HFM1: variants seen among roughly 807,000 people sequenced by gnomAD.
HFM1 encodes the protein probable ATP-dependent DNA helicase HFM1.
HFM1 carries 169 observed loss-of-function variants against 192.1 expected under a neutral mutation model. That is an observed-to-expected ratio of 0.88 (90% CI 0.78 to 1.00). The LOEUF (loss-of-function observed/expected upper bound fraction) is 1.00, where lower values mean the gene tolerates loss of function less well. Among genes scored for constraint, HFM1 ranks in the 50% least tolerant of loss-of-function variants. The probability of loss-of-function intolerance (pLI) is 0.00; values close to 1 mark genes in which losing one functional copy is unlikely to be tolerated. For synonymous variants in HFM1, 525 were observed against 537.8 expected (o/e 0.98, Z 0.33); for missense variants, 1,661 against 1,668.0 (o/e 1.00, Z 0.07).
Position 91,328,562 on chromosome 1 carries a change from C to T in HFM1, c.2336-3796G>A, listed in dbSNP as rs1376862979. ...CTGCAGAACGAGGAGGGTGAGACCA[C>T]CAGCCACCTGATAGGCATGTTCTAC... On this transcript the variant is annotated intron_variant, in intron 20 of 38. Transcript: ENST00000370425. 8 of 1,611,208 alleles carry T rather than the reference C, an allele frequency of 5.0e-6. No homozygotes were observed. The Admixed American group carries it at 5.0e-5, about 10-fold the overall frequency.
At chr1:91,299,997 G>C (rs1231689229) in intron 30 of HFM1, among the ~76,000 whole-genome samples, 2 of 152,168 alleles carry the variant, frequency 1.3e-5, no homozygotes, top group Non-Finnish European at 2.9e-5. Context: ...GAATCCAGGA[G>C]CTGGTTTTTT....
chr1:91,280,020 A>C (rs1667317631), intron 30 of HFM1, among the ~76,000 whole-genome samples: 1 of 152,232 alleles, frequency 6.6e-6, no homozygotes, highest in Admixed American at 6.5e-5. Context: ...TTAAGTATGT[A>C]AAAACAATTG....
intron 2 of HFM1, among the ~76,000 whole-genome samples, chr1:91,398,972 T>C (rs1388256580): frequency 6.6e-6 from 1 of 152,160 alleles, no homozygotes; most frequent in East Asian, 1.9e-4. Context: ...GGATTACAGG[T>C]GTGAGCCACC....
chr1:91,378,396 T>A lies in HFM1; in HGVS notation c.1236+7A>T, dbSNP rs752802619. ...TGTTTATCTCTGAAAGCGAATGCAT[T>A]CATTACCTCATCAATGAGAAACAGT... is the stretch of plus-strand genomic sequence containing the variant. On this transcript the variant is annotated splice_region_variant and intron_variant, in intron 10 of 38. Transcript: ENST00000370425. 1 of 1,583,154 alleles carries A rather than the reference T, an allele frequency of 6.3e-7. No individual in the cohort carries two copies. The highest frequency in any genetic ancestry group is 8.7e-7 in the Non-Finnish European group (1 of 1,154,512).
At position 91,394,083 on chromosome 1, in the gene HFM1, T is replaced by C. The variant is rs1358725879; in HGVS notation, c.494+10A>G. 1.4e-6 allele frequency: 2 copies of C among 1,382,906 alleles called. No individual in the cohort carries two copies. The highest frequency in any genetic ancestry group is 2.9e-5 in the African/African-American group (2 of 69,132). The allele number at this position is 1,382,906 out of a possible 1,614,324, so 85.7% of individuals were successfully genotyped here. A position where few individuals can be genotyped will look rare whatever the true frequency, so the allele number is the denominator to read the frequency against. On this transcript the variant is annotated intron_variant, in intron 4 of 38. Transcript: ENST00000370425. The stretch of plus-strand genomic sequence containing the variant: ...CACAGAATATTATTTAGTTTAATTA[T>C]AATAATTACCTTTTCCGGAATACTG...
At chr1:91,308,491 T>C (rs939838379) in intron 30 of HFM1, among the ~76,000 whole-genome samples, 1 of 152,244 alleles carries the variant, frequency 6.6e-6, no homozygotes, top group Non-Finnish European at 1.5e-5. Flanking sequence ...CATTTACCTA[T>C]TTTTTCTATA....
At position 91,379,088 on chromosome 1, in the gene HFM1, T is replaced by C. The variant is rs1034067557; in HGVS notation, c.1133A>G (p.His378Arg). 1.3e-6 allele frequency: 2 copies of C among 1,588,554 alleles called. No homozygotes were observed. Among genetic ancestry groups the C allele is most frequent in the Admixed American group, 1.8e-5 (1 of 56,080 alleles). ...TVMDDLFEIQHAHIIMTTPEK... is the reference protein window; with the variant it reads ...TVMDDLFEIQRAHIIMTTPEK... ...TGGAGTTGTCATAATAATATGGGCA[T>C]GCTGAATCTCAAATAGATCATCCAT... The change falls in exon 9 of 39, where the codon CAT becomes CGT. Residue 378 changes from histidine to arginine, a missense_variant. By Grantham distance (29) the His-to-Arg change is conservative. Transcript: ENST00000370425.
chr1:91,323,278 T>A, intron 21 of HFM1, 79 bp from the exon 22 acceptor site: 1 of 798,878 alleles, frequency 1.3e-6, no homozygotes, highest in South Asian at 1.6e-5. Flanking sequence ...TTTATTTATT[T>A]TTCATACTGC....
At chr1:91,281,360 A>T (rs1304830969) in intron 30 of HFM1, among the ~76,000 whole-genome samples, 1 of 152,216 alleles carries the variant, frequency 6.6e-6, no homozygotes, top group Non-Finnish European at 1.5e-5. Flanking sequence ...AGTTCACTCA[A>T]TAGTTGAAGG....
At chr1:91,284,114 T>C (rs1245225066) in intron 30 of HFM1, among the ~76,000 whole-genome samples, 1 of 152,078 alleles carries the variant, frequency 6.6e-6, no homozygotes, top group Non-Finnish European at 1.5e-5. Context: ...TTAATGCACA[T>C]ACACACCAAA....
intron 13 of HFM1, among the ~76,000 whole-genome samples, chr1:91,365,968 G>GAA (rs11329587): frequency 2.4e-5 from 3 of 124,904 alleles, no homozygotes; most frequent in South Asian, 2.6e-4. Flanking sequence ...GTATGTTCCT[G>GAA]AAAAAAAAAA....
At position 91,395,454 on chromosome 1, in the gene HFM1, G is replaced by A. The variant is rs184528345; in HGVS notation, c.184+839C>T. Among the ~76,000 whole-genome samples the A allele has an allele frequency of 1.7e-4, 26 of 152,062 alleles. No homozygotes were observed. In the East Asian group the frequency reaches 4.0e-3, roughly 24 times the overall value. ...TTGGTGGGCACTATTTTGTTTTTGG[G>A]GGTATGTATGTATTTAGAGATGAGG... On this transcript the variant is annotated intron_variant, in intron 3 of 38. Coordinates refer to ENST00000370425, the MANE Select transcript of HFM1 (RefSeq NM_001017975.6).
intron 30 of HFM1, among the ~76,000 whole-genome samples, chr1:91,279,968 C>A (rs1338508776): frequency 6.0e-5 from 9 of 150,740 alleles, no homozygotes; most frequent in South Asian, 2.1e-4. Context: ...GATTTAATAT[C>A]TGTTCTGTTT....
intron 13 of HFM1, among the ~76,000 whole-genome samples, chr1:91,354,344 G>A (rs1189785917): frequency 6.6e-6 from 1 of 151,852 alleles, no homozygotes; most frequent in Non-Finnish European, 1.5e-5. Context: ...GGACTTATGG[G>A]ACACCATTAA....
At chr1:91,387,339 T>C (rs1662339942) in intron 4 of HFM1, among the ~76,000 whole-genome samples, 3 of 152,006 alleles carry the variant, frequency 2.0e-5, no homozygotes, top group African/African-American at 4.8e-5. Flanking sequence ...CTATGAACGC[T>C]TGGCCGCCAC....
chr1:91,349,316 G>C (rs1173353800), intron 18 of HFM1, among the ~76,000 whole-genome samples: 1 of 151,290 alleles, frequency 6.6e-6, no homozygotes, highest in African/African-American at 2.4e-5. Flanking sequence ...GAAATTCTTT[G>C]ATATTCTGCC....
chr1:91,264,403 C>T (rs377236431), intron 36 of HFM1, among the ~76,000 whole-genome samples: 5 of 49,934 alleles, frequency 1.0e-4, no homozygotes, highest in Non-Finnish European at 1.8e-4. Context: ...GACGGAGTCT[C>T]GCTCTGTGGC....
At chr1:91,334,253 G>T (rs1215550017) in intron 20 of HFM1, among the ~76,000 whole-genome samples, 1 of 152,084 alleles carries the variant, frequency 6.6e-6, no homozygotes, top group Non-Finnish European at 1.5e-5. Flanking sequence ...CACAAGTTAC[G>T]TGACCAGTTT....
chr1:91,368,602 T>C (rs1252853517), intron 13 of HFM1, among the ~76,000 whole-genome samples: 1 of 151,928 alleles, frequency 6.6e-6, no homozygotes, highest in Non-Finnish European at 1.5e-5. Flanking sequence ...AAGGAAGCAA[T>C]AAACATGGAA....
Sources: gnomAD v4.1 joint callset for allele counts (sites outside exome capture counted in the v4.1 genomes callset) on GRCh38, gnomAD v4.1.1 for gene constraint, MANE v1.5 for transcripts, NCBI Gene and HGNC (gene_info 2026-07-23, HGNC 2026-07-21) for gene names.